Variants in MC2R observed in about 807,000 individuals in gnomAD.
The protein encoded by MC2R is adrenocorticotropic hormone receptor.
A neutral mutation model predicts 9.8 loss-of-function variants in MC2R; 9 were observed. That is an observed-to-expected ratio of 0.92 (90% CI 0.55 to 1.60). MC2R has a LOEUF of 1.60. MC2R is among the 40% of genes most tolerant of loss of function. MC2R has a pLI of 0.00. For synonymous variants in MC2R, 185 were observed against 154.7 expected, an observed-to-expected ratio of 1.20 and a Z score of -1.45; for missense variants, 370 against 389.0, an observed-to-expected ratio of 0.95 and a Z score of 0.41.
intron 1 of MC2R, 63 bp from the exon 2 acceptor site, chr18:13,885,709 C>G: frequency 1.6e-6 from 1 of 630,070 alleles, no homozygotes; most frequent in South Asian, 2.0e-5. Flanking sequence ...ACCAGCCACA[C>G]TCGCTTAAAG....
chr18:13,890,438 G>T (rs569683401), intron 1 of MC2R, among the ~76,000 whole-genome samples: 1 of 152,250 alleles, frequency 6.6e-6, no homozygotes, highest in African/African-American at 2.4e-5. Context: ...TTTCTAGAGG[G>T]CAGTCCTGTA....
chr18:13,902,321 C>T (rs922007754), intron 1 of MC2R, among the ~76,000 whole-genome samples: 1 of 152,004 alleles, frequency 6.6e-6, no homozygotes, highest in African/African-American at 2.4e-5. Context: ...GGATGATCTT[C>T]ACAAAAATAG....
chr18:13,905,631 C>T (rs1598467886), intron 1 of MC2R, among the ~76,000 whole-genome samples: 1 of 152,306 alleles, frequency 6.6e-6, no homozygotes, highest in Middle Eastern at 3.4e-3. Context: ...AATAGGAACA[C>T]TTTTACACTG....
chr18:13,892,156 T>C (rs1376623925), intron 1 of MC2R, among the ~76,000 whole-genome samples: 1 of 152,174 alleles, frequency 6.6e-6, no homozygotes, highest in African/African-American at 2.4e-5. Flanking sequence ...AGGGAATGGA[T>C]GACTCCCTCT....
chr18:13,911,890 C>T (rs796129994), intron 1 of MC2R, among the ~76,000 whole-genome samples: 10 of 152,228 alleles, frequency 6.6e-5, no homozygotes, highest in African/African-American at 2.4e-4. Context: ...CAGGAAACAC[C>T]GTACTGCCTA....
At position 13,883,337 on chromosome 18, in the gene MC2R, T is replaced by A. The variant is rs1472295716; in HGVS notation, c.*1288A>T. ...CTGATTTTTAGCTATTAAAAATGAA[T>A]GAACTTGCAAATTATGTTTCTTTTA... On this transcript the variant is annotated 3_prime_UTR_variant, in exon 2 of 2. Transcript: ENST00000327606. 7 of 152,214 alleles carry A rather than the reference T, an allele frequency of 4.6e-5. No homozygotes were observed. The highest frequency in any genetic ancestry group is 1.2e-4 in the African/African-American group (5 of 41,450). 9.4% of individuals were successfully genotyped at this position (152,214 alleles called of 1,614,324 possible).
chr18:13,892,362 G>A (rs1307308467), intron 1 of MC2R, among the ~76,000 whole-genome samples: 1 of 152,212 alleles, frequency 6.6e-6, no homozygotes, highest in Admixed American at 6.5e-5. Context: ...GGGGCGGGTG[G>A]GAAGATGTGA....
intron 1 of MC2R, among the ~76,000 whole-genome samples, chr18:13,887,386 GAA>G (rs1251935578): frequency 8.8e-5 from 7 of 79,288 alleles, no homozygotes; most frequent in African/African-American, 2.0e-4. Flanking sequence ...GATGGCAGGG[GAA>G]GCCTGTGTGC....
rs535615324 is a variant in MC2R, at chr18:13,903,689, G to C, written c.-129+11799C>G. 7.1e-4 allele frequency among the ~76,000 whole-genome samples: 108 copies of C among 152,316 alleles called. 1 individual carries two copies. The South Asian group carries it at 0.022, about 31-fold the overall frequency. On this transcript the variant is annotated intron_variant, in intron 1 of 1. Transcript: ENST00000327606. ...GCCAGAGGCTGGAAAGTTAGTGTAT[G>C]TGTGGGGTGGTTCTGGAGGGAGGTG...
At chr18:13,899,899 T>C (rs2149140189) in intron 1 of MC2R, among the ~76,000 whole-genome samples, 1 of 152,202 alleles carries the variant, frequency 6.6e-6, no homozygotes, top group South Asian at 2.1e-4. Flanking sequence ...TAATGAGCAA[T>C]AAGTAATCAC....
intron 1 of MC2R, among the ~76,000 whole-genome samples, chr18:13,913,316 T>C (rs1388260816): frequency 6.6e-6 from 1 of 152,178 alleles, no homozygotes; most frequent in Non-Finnish European, 1.5e-5. Flanking sequence ...CCACGGTGCC[T>C]TCCTGCCAGT....
At chr18:13,885,986 C>G (rs1555619523) in intron 1 of MC2R, among the ~76,000 whole-genome samples, 1 of 144,932 alleles carries the variant, frequency 6.9e-6, no homozygotes, top group Non-Finnish European at 1.5e-5. Context: ...AAGAGGAAGT[C>G]AAATACTACA....
In MC2R at chr18:13,885,051, C is replaced by T. The variant is rs1309588731; in HGVS notation, c.468G>A (p.Thr156=). 6 of 1,614,182 alleles carry T rather than the reference C, an allele frequency of 3.7e-6. No homozygotes were observed. The highest frequency in any genetic ancestry group is 5.1e-6 in the Non-Finnish European group (6 of 1,180,040). ...TGGTGATGCCAGTCCCCGTGCAGAA[C>T]GTCCAGATGACCGTAAGCACCACCA... ...RTVVVLTVIW[T]FCTGTGITMV... is the part of the protein sequence containing the mutation. Residue 156 remains threonine (T), a synonymous_variant, in exon 2 of 2, where the codon ACG becomes ACA. Coordinates refer to ENST00000327606, the MANE Select transcript of MC2R (RefSeq NM_000529.2).
chr18:13,886,206 C>G (rs542083406), intron 1 of MC2R, among the ~76,000 whole-genome samples: 12 of 152,184 alleles, frequency 7.9e-5, no homozygotes, highest in African/African-American at 2.6e-4. Context: ...ACTTTTGTAC[C>G]CCTTACATTT....
chr18:13,896,339 C>A (rs1287260007), intron 1 of MC2R, among the ~76,000 whole-genome samples: 1 of 152,102 alleles, frequency 6.6e-6, no homozygotes, highest in Non-Finnish European at 1.5e-5. Context: ...GACCCTGGCA[C>A]AAAGCTTTCT....
intron 1 of MC2R, among the ~76,000 whole-genome samples, chr18:13,886,640 T>G (rs751263906): frequency 3.9e-5 from 6 of 152,188 alleles, no homozygotes; most frequent in Non-Finnish European, 7.3e-5. Flanking sequence ...GACTATACAA[T>G]GAGCGTCAGC....
chr18:13,901,975 C>G (rs950142491), intron 1 of MC2R, among the ~76,000 whole-genome samples: 10 of 151,888 alleles, frequency 6.6e-5, no homozygotes, highest in Admixed American at 6.6e-4. Context: ...AATCCATCCC[C>G]CCCACCGACT....
chr18:13,905,869 A>G (rs908048003), intron 1 of MC2R, among the ~76,000 whole-genome samples: 1 of 152,170 alleles, frequency 6.6e-6, no homozygotes, highest in African/African-American at 2.4e-5. Context: ...CATCCTGGCC[A>G]ACATGGTGAA....
Position 13,884,877 on chromosome 18 carries a change from G to A in MC2R, c.642C>T (p.Asn214=), listed in dbSNP as rs760106904. 2.1e-4 allele frequency: 333 copies of A among 1,613,932 alleles called. No homozygotes were observed. The highest frequency in any genetic ancestry group is 2.8e-4 in the Non-Finnish European group (328 of 1,180,010). The part of the protein sequence containing the change: ...TRKISTLPRA[N]MKGAITLTIL... ...TGGTCAGTGTGATGGCCCCTTTCAT[G>A]TTGGCTCTGGGGAGGGTGGAGATCT... Residue 214 remains asparagine, a synonymous_variant, in exon 2 of 2, where the codon AAC becomes AAT. Coordinates refer to ENST00000327606, the MANE Select transcript of MC2R (RefSeq NM_000529.2).
Sources: allele counts gnomAD v4.1 joint callset (sites outside exome capture counted in the v4.1 genomes callset), GRCh38; gene constraint gnomAD v4.1.1; transcripts MANE v1.5; gene names NCBI Gene and HGNC (gene_info 2026-07-23, HGNC 2026-07-21).